The following OR51B5 variants were observed in gnomAD, a reference collection of about 807,000 sequenced individuals.
OR51B5 encodes olfactory receptor 51B5.
For missense variants in OR51B5, 456 were observed against 374.6 expected, an observed-to-expected ratio of 1.22 and a Z score of -1.79; for synonymous variants, 186 against 144.8, an observed-to-expected ratio of 1.28 and a Z score of -2.04.
At chr11:5,426,988 GACA>G (rs78681840) in intron 1 of OR51B5, among the ~76,000 whole-genome samples, 18,745 of 152,126 alleles carry the variant, frequency 0.12, 1,368 homozygotes, top group East Asian at 0.24. Flanking sequence ...TGCACGATGA[GACA>G]ACATTTGTTC....
rs770799280 is a variant in OR51B5 at position 5,441,055 on chromosome 11, T to C, written n.84+64514A>G. On this transcript the variant is annotated intron_variant and non_coding_transcript_variant, in intron 1 of 4. Coordinates refer to the OR51B5 transcript ENST00000415970. ...GGGAAAGGGAAGAGAGTGGTGAAAC[T>C]CTTGGTAAGGATGCCCAGACCCATA... 4 of 1,613,862 alleles carry C rather than the reference T, an allele frequency of 2.5e-6. No individual in the cohort carries two copies. The African/African-American group carries it at 4.0e-5, about 16-fold the overall frequency.
At chr11:5,421,554 C>A (rs574850565) in intron 1 of OR51B5, among the ~76,000 whole-genome samples, 1 of 152,164 alleles carries the variant, frequency 6.6e-6, no homozygotes, top group Non-Finnish European at 1.5e-5. Flanking sequence ...TCCTATGTTT[C>A]CTCCCTTATT....
intron 1 of OR51B5, among the ~76,000 whole-genome samples, chr11:5,381,317 C>A (rs997730958): frequency 6.6e-6 from 1 of 152,152 alleles, no homozygotes; most frequent in African/African-American, 2.4e-5. Context: ...AGGTTAAGGC[C>A]TGAATGCCTC....
intron 1 of OR51B5, among the ~76,000 whole-genome samples, chr11:5,399,118 A>C (rs1002398708): frequency 1.1e-4 from 17 of 152,166 alleles, no homozygotes; most frequent in Admixed American, 2.0e-4. Flanking sequence ...CAAAACAAAA[A>C]CACCAGAGCA....
chr11:5,358,342 C>A (rs1849226493), intron 1 of OR51B5, among the ~76,000 whole-genome samples: 1 of 151,026 alleles, frequency 6.6e-6, no homozygotes, highest in Non-Finnish European at 1.5e-5. Flanking sequence ...ATACAAACCA[C>A]CATCAGAGAA....
At chr11:5,411,447 T>G (rs1427686914) in intron 1 of OR51B5, among the ~76,000 whole-genome samples, 1 of 148,756 alleles carries the variant, frequency 6.7e-6, no homozygotes, top group Non-Finnish European at 1.5e-5. Flanking sequence ...AACACATATC[T>G]CAGGACATAC....
chr11:5,351,782 A>T (rs1849092906), intron 1 of OR51B5: 1 of 1,614,100 alleles, frequency 6.2e-7, no homozygotes. Context: ...GAGATTGGCC[A>T]TGGAGCCTGC....
chr11:5,458,425 C>A (rs201097908), intron 1 of OR51B5, among the ~76,000 whole-genome samples: 2 of 152,032 alleles, frequency 1.3e-5, no homozygotes, highest in South Asian at 4.2e-4. Context: ...TGTTTAGGAA[C>A]GCTTTGGCTC....
chr11:5,350,692 T>A (rs117544088), intron 1 of OR51B5, among the ~76,000 whole-genome samples: 549 of 152,336 alleles, frequency 3.6e-3, no homozygotes, highest in Middle Eastern at 0.01. Flanking sequence ...TATCAATTAG[T>A]GCCTTCAAAA....
chr11:5,392,457 C>T (rs1316325389), intron 1 of OR51B5: 7 of 152,138 alleles, frequency 4.6e-5, no homozygotes, highest in African/African-American at 1.7e-4. Flanking sequence ...TCCCATTTTG[C>T]CTCTTATTAA....
At chr11:5,424,971 G>A (rs1407551085) in intron 1 of OR51B5, among the ~76,000 whole-genome samples, 1 of 66,348 alleles carries the variant, frequency 1.5e-5, no homozygotes, top group Non-Finnish European at 3.4e-5. Context: ...GACAGAGTGA[G>A]ACTCCGCCTC....
rs2133812688 is a variant in OR51B5, at chr11:5,487,839, T to C, written n.84+17730A>G. 1.3e-5 allele frequency among the ~76,000 whole-genome samples: 2 copies of C among 152,312 alleles called. 1 individual carries two copies. Among genetic ancestry groups the C allele is most frequent in the South Asian group, 4.1e-4 (2 of 4,828 alleles). ...TTGAGTGCAGTATCCTCAACAAGCATATCTGATTTACCTCACACTTCCTTC... is the reference window on the plus strand; with the variant it reads ...TTGAGTGCAGTATCCTCAACAAGCACATCTGATTTACCTCACACTTCCTTC... On this transcript the variant is annotated intron_variant and non_coding_transcript_variant, in intron 1 of 4. Coordinates refer to the OR51B5 transcript ENST00000415970.
intron 1 of OR51B5, among the ~76,000 whole-genome samples, chr11:5,363,352 GGTTT>G (rs1329808453): frequency 4.1e-5 from 4 of 98,324 alleles, no homozygotes; most frequent in Non-Finnish European, 8.6e-5. Context: ...AGTTTTTTTT[GGTTT>G]TTGTTTTTTT....
chr11:5,490,611 G>A (rs1364251703), intron 1 of OR51B5, among the ~76,000 whole-genome samples: 1 of 152,088 alleles, frequency 6.6e-6, no homozygotes, highest in Non-Finnish European at 1.5e-5. Flanking sequence ...CCTTCCAACT[G>A]TTCAAAGAGA....
upstream of OR51B5, among the ~76,000 whole-genome samples, chr11:5,345,320 A>G (rs1350242624): frequency 2.0e-5 from 3 of 152,188 alleles, no homozygotes. Flanking sequence ...AAAAATCCAT[A>G]TGAAGAGTCA....
chr11:5,441,838 T>G (rs1247535444), intron 1 of OR51B5, among the ~76,000 whole-genome samples: 1 of 152,186 alleles, frequency 6.6e-6, no homozygotes, highest in Non-Finnish European at 1.5e-5. Context: ...AAATGCATCC[T>G]AGGCTTTGGA....
Position 5,443,789 on chromosome 11 carries a change from T to C in OR51B5, n.84+61780A>G, listed in dbSNP as rs367934092. On this transcript the variant is annotated intron_variant and non_coding_transcript_variant, in intron 1 of 4. Coordinates refer to the OR51B5 transcript ENST00000415970. ...TGTCCACAGGAGTGTCCATGAAAAC[T>C]TCCTAAATGTGACCTATCTTGGAAG... Among the ~76,000 whole-genome samples the C allele has an allele frequency of 4.7e-4, 71 of 152,150 alleles. 1 individual carries two copies. The East Asian group carries it at 0.013, about 29-fold the overall frequency.
At chr11:5,493,367 C>G (rs907590918) in intron 1 of OR51B5, among the ~76,000 whole-genome samples, 11 of 152,136 alleles carry the variant, frequency 7.2e-5, no homozygotes, top group Admixed American at 5.9e-4. Context: ...AAGTCATCAT[C>G]ATGTTCCCCT....
chr11:5,425,406 A>T (rs1361387172), intron 1 of OR51B5, among the ~76,000 whole-genome samples: 1 of 152,180 alleles, frequency 6.6e-6, no homozygotes, highest in Non-Finnish European at 1.5e-5. Context: ...ACAAGTCAAA[A>T]CTTAACTAGA....
Sources: allele counts gnomAD v4.1 joint callset (sites outside exome capture counted in the v4.1 genomes callset), GRCh38; gene constraint gnomAD v4.1.1; transcripts MANE v1.5; gene names NCBI Gene and HGNC (gene_info 2026-07-23, HGNC 2026-07-21).